The following GALNT10 variants were observed in gnomAD, a reference collection of about 807,000 sequenced individuals.
The protein encoded by GALNT10 is polypeptide N-acetylgalactosaminyltransferase 10.
Under a neutral mutation model 75.0 loss-of-function variants are expected in GALNT10, and 41 were observed. The ratio of observed to expected loss-of-function variants is 0.55; its 90% confidence interval spans 0.43 to 0.71. The LOEUF is 0.71. GALNT10 is among the 30% of genes least tolerant of loss of function. GALNT10 has a pLI of 0.00. For synonymous variants in GALNT10, 302 were observed against 313.0 expected, an observed-to-expected ratio of 0.96 and a Z score of 0.37; for missense variants, 727 against 818.5, an observed-to-expected ratio of 0.89 and a Z score of 1.36.
At chr5:154,270,221 C>T (rs1392548152) in intron 1 of GALNT10, among the ~76,000 whole-genome samples, 1 of 150,494 alleles carries the variant, frequency 6.6e-6, no homozygotes, top group Non-Finnish European at 1.5e-5. Context: ...CAGCCTATAC[C>T]CACACATCTA....
At chr5:154,246,392 C>T (rs1483009199) in intron 1 of GALNT10, among the ~76,000 whole-genome samples, 1 of 152,228 alleles carries the variant, frequency 6.6e-6, no homozygotes, top group Non-Finnish European at 1.5e-5. Flanking sequence ...ACACTGTCTT[C>T]CACAATGGTT....
intron 3 of GALNT10, among the ~76,000 whole-genome samples, chr5:154,323,260 T>C (rs1196935468): frequency 1.3e-5 from 2 of 152,130 alleles, no homozygotes; most frequent in Non-Finnish European, 2.9e-5. Flanking sequence ...TAGTCCCAGC[T>C]ACTCAGGAGA....
intron 4 of GALNT10, among the ~76,000 whole-genome samples, chr5:154,332,974 G>A (rs1220682800): frequency 6.6e-6 from 1 of 152,174 alleles, no homozygotes; most frequent in African/African-American, 2.4e-5. Context: ...TCCTTGTTCA[G>A]TTAGAAAAGA....
chr5:154,396,094 C>A (rs1051540112), intron 7 of GALNT10, among the ~76,000 whole-genome samples: 1 of 152,180 alleles, frequency 6.6e-6, no homozygotes, highest in African/African-American at 2.4e-5. Context: ...AATACCTTCA[C>A]CCGGCTTTCA....
chr5:154,336,803 C>T (rs17115956), intron 4 of GALNT10, among the ~76,000 whole-genome samples: 17,396 of 152,148 alleles, frequency 0.11, 1,401 homozygotes, highest in African/African-American at 0.23. Context: ...TCATGTTTAT[C>T]GAGCTTCTAC....
intron 1 of GALNT10, among the ~76,000 whole-genome samples, chr5:154,205,979 T>C (rs958773150): frequency 6.6e-6 from 1 of 152,236 alleles, no homozygotes; most frequent in Non-Finnish European, 1.5e-5. Flanking sequence ...TGGTAGCCCT[T>C]GGGAACTAAT....
intron 1 of GALNT10, among the ~76,000 whole-genome samples, chr5:154,274,024 G>A (rs540725529): frequency 6.6e-6 from 1 of 152,268 alleles, no homozygotes; most frequent in East Asian, 1.9e-4. Context: ...TCAATTCTAT[G>A]CTTCCCTTCT....
chr5:154,219,830 TCTCTCTCTCA>T (rs1425383201), intron 1 of GALNT10, among the ~76,000 whole-genome samples: 3 of 75,576 alleles, frequency 4.0e-5, no homozygotes, highest in African/African-American at 6.2e-5. Context: ...TCTCTCTCTC[TCTCTCTCTCA>T]CACACACACA....
intron 3 of GALNT10, among the ~76,000 whole-genome samples, chr5:154,328,293 C>T (rs147917707): frequency 2.1e-3 from 321 of 152,224 alleles, no homozygotes; most frequent in South Asian, 0.013. Context: ...GTATGAAAGA[C>T]GCACAAGGGG....
intron 4 of GALNT10, chr5:154,337,530 C>A: frequency 1.3e-6 from 1 of 744,976 alleles, no homozygotes; most frequent in Non-Finnish European, 2.5e-6. Flanking sequence ...ACCTTGGTTT[C>A]ATGGTTTGGC....
rs144107109 is a variant in GALNT10 at position 154,384,310 on chromosome 5, T to A, written c.939-2003T>A. ...GGGCTCAAAGAGGTTAAATCAGCAC[T>A]GTCCAATATAATACAAGCTGCATAT... is the stretch of plus-strand genomic sequence containing the variant. On this transcript the variant is annotated intron_variant, in intron 6 of 11. Coordinates refer to ENST00000297107, the MANE Select transcript of GALNT10 (RefSeq NM_198321.4). 8.8e-4 allele frequency among the ~76,000 whole-genome samples: 134 copies of A among 152,302 alleles called. 1 individual carries two copies. Among genetic ancestry groups the A allele is most frequent in the African/African-American group, 3.0e-3 (123 of 41,552 alleles).
At chr5:154,293,081 T>C (rs1754219617) in intron 1 of GALNT10, among the ~76,000 whole-genome samples, 1 of 152,190 alleles carries the variant, frequency 6.6e-6, no homozygotes, top group Non-Finnish European at 1.5e-5. Flanking sequence ...AGGATTGTTA[T>C]TATTACTAGA....
intron 1 of GALNT10, among the ~76,000 whole-genome samples, chr5:154,219,832 T>TCCCACACACACACACACACA (rs775014222): frequency 1.2e-5 from 1 of 80,120 alleles, no homozygotes; most frequent in Non-Finnish European, 3.2e-5. Context: ...TCTCTCTCTC[T>TCCCACACACACACACACACA]CTCTCTCACA....
intron 1 of GALNT10, among the ~76,000 whole-genome samples, chr5:154,251,843 G>GTTC: frequency 6.6e-6 from 1 of 152,168 alleles, no homozygotes; most frequent in Non-Finnish European, 1.5e-5. Context: ...AATGCTCTTT[G>GTTC]CTACTGGGCT....
Position 154,380,101 on chromosome 5 carries a change from C to G in GALNT10, c.755-347C>G, listed in dbSNP as rs570065988. On this transcript the variant is annotated intron_variant, in intron 5 of 11. Coordinates refer to ENST00000297107, the MANE Select transcript of GALNT10 (RefSeq NM_198321.4). ...AATCTTTTTCCATAGTGGTACTGAT[C>G]ATTATGCTAATAATAAGGCACGTAT... 6.6e-5 allele frequency among the ~76,000 whole-genome samples: 10 copies of G among 152,280 alleles called. No homozygotes were observed. The East Asian group carries it at 1.7e-3, about 26-fold the overall frequency.
chr5:154,410,968 G>A (rs1018804918), intron 9 of GALNT10, among the ~76,000 whole-genome samples: 1 of 152,208 alleles, frequency 6.6e-6, no homozygotes, highest in African/African-American at 2.4e-5. Context: ...ACTGCGCATG[G>A]TGTGGCCCGT....
intron 1 of GALNT10, among the ~76,000 whole-genome samples, chr5:154,276,196 T>C (rs943281477): frequency 6.6e-6 from 1 of 152,164 alleles, no homozygotes; most frequent in Non-Finnish European, 1.5e-5. Context: ...TGGGCTCTTA[T>C]CTGGAGGCTC....
chr5:154,246,503 A>G (rs1032394182), intron 1 of GALNT10, among the ~76,000 whole-genome samples: 1 of 152,220 alleles, frequency 6.6e-6, no homozygotes, highest in African/African-American at 2.4e-5. Flanking sequence ...TTGCCATTCT[A>G]ACTGGTGTGA....
chr5:154,240,085 C>G (rs1753307424), intron 1 of GALNT10, among the ~76,000 whole-genome samples: 2 of 152,186 alleles, frequency 1.3e-5, no homozygotes, highest in African/African-American at 4.8e-5. Context: ...TAGTGTTGCC[C>G]ATGTGTGTAT....
Sources: gnomAD v4.1 joint callset for allele counts (sites outside exome capture counted in the v4.1 genomes callset) on GRCh38, gnomAD v4.1.1 for gene constraint, MANE v1.5 for transcripts, NCBI Gene and HGNC (gene_info 2026-07-23, HGNC 2026-07-21) for gene names.